The following CAMKMT variants were observed in gnomAD, a reference collection of about 807,000 sequenced individuals.
CAMKMT encodes the protein CaM KMT.
A neutral mutation model predicts 48.0 loss-of-function variants in CAMKMT; 53 were observed. That is an observed-to-expected ratio of 1.10 (90% CI 0.89 to 1.39). The LOEUF (loss-of-function observed/expected upper bound fraction) is 1.39. CAMKMT is among the 40% of genes most tolerant of loss of function. The pLI, the probability that CAMKMT is intolerant of heterozygous loss-of-function variation, is 0.00. For missense variants in CAMKMT, 428 were observed against 402.7 expected, an observed-to-expected ratio of 1.06 and a Z score of -0.54; for synonymous variants, 165 against 152.3, an observed-to-expected ratio of 1.08 and a Z score of -0.61.
At chr2:44,767,954 G>C (rs1012110013) in intron 10 of CAMKMT, among the ~76,000 whole-genome samples, 12 of 152,158 alleles carry the variant, frequency 7.9e-5, no homozygotes, top group Non-Finnish European at 1.6e-4. Flanking sequence ...GCAAAGGCTT[G>C]GGTTTCTCCA....
chr2:44,610,408 G>C (rs1406354958), intron 3 of CAMKMT, among the ~76,000 whole-genome samples: 1 of 152,082 alleles, frequency 6.6e-6, no homozygotes, highest in South Asian at 2.1e-4. Context: ...AGAAGTCTGG[G>C]GTGTCTCCTA....
At chr2:44,476,370 T>A (rs527789322) in intron 3 of CAMKMT, among the ~76,000 whole-genome samples, 8 of 152,298 alleles carry the variant, frequency 5.3e-5, no homozygotes, top group African/African-American at 1.9e-4. Context: ...TCTACAGTTT[T>A]GCATAGTATA....
intron 3 of CAMKMT, among the ~76,000 whole-genome samples, chr2:44,414,032 T>C (rs1683387283): frequency 1.3e-5 from 2 of 152,200 alleles, no homozygotes; most frequent in South Asian, 4.1e-4. Flanking sequence ...GTATGCCAGT[T>C]GGTAGGCCTT....
At chr2:44,527,430 A>ATAT (rs1345695725) in intron 3 of CAMKMT, among the ~76,000 whole-genome samples, 4 of 107,860 alleles carry the variant, frequency 3.7e-5, no homozygotes, top group Non-Finnish European at 5.4e-5. Flanking sequence ...ATATATATAT[A>ATAT]TTTTTTTTTT....
intron 3 of CAMKMT, among the ~76,000 whole-genome samples, chr2:44,591,962 A>T (rs1392478807): frequency 6.6e-6 from 1 of 151,982 alleles, no homozygotes; most frequent in African/African-American, 2.4e-5. Context: ...GTATCACAAG[A>T]ACAAAAAACC....
intron 3 of CAMKMT, among the ~76,000 whole-genome samples, chr2:44,527,750 G>A (rs1489682530): frequency 2.0e-5 from 3 of 147,248 alleles, no homozygotes; most frequent in East Asian, 2.0e-4. Flanking sequence ...AAAGTACAGA[G>A]CATCCTCATG....
intron 3 of CAMKMT, among the ~76,000 whole-genome samples, chr2:44,395,309 T>C (rs1681729907): frequency 1.3e-5 from 2 of 152,176 alleles, no homozygotes; most frequent in African/African-American, 4.8e-5. Context: ...ATATGTAGCA[T>C]GTGTGTATAC....
chr2:44,415,490 G>C (rs944014445), intron 3 of CAMKMT, among the ~76,000 whole-genome samples: 17 of 152,160 alleles, frequency 1.1e-4, no homozygotes, highest in Admixed American at 1.1e-3. Context: ...TGGTGATAGT[G>C]ATACAAATTA....
At chr2:44,699,671 A>G (rs1677153005) in intron 3 of CAMKMT, among the ~76,000 whole-genome samples, 2 of 151,826 alleles carry the variant, frequency 1.3e-5, no homozygotes, top group African/African-American at 4.8e-5. Flanking sequence ...CACATATTCA[A>G]TCCTAGCCCA....
chr2:44,489,418 G>A (rs1320085777), intron 3 of CAMKMT, among the ~76,000 whole-genome samples: 1 of 151,772 alleles, frequency 6.6e-6, no homozygotes, highest in Non-Finnish European at 1.5e-5. Flanking sequence ...GCTAATTTTT[G>A]TATTTTTAGT....
intron 3 of CAMKMT, among the ~76,000 whole-genome samples, chr2:44,613,593 C>A (rs1184782741): frequency 6.6e-6 from 1 of 152,204 alleles, no homozygotes; most frequent in East Asian, 1.9e-4. Context: ...CCCCTGCTCT[C>A]AAGGAGCTCA....
intron 3 of CAMKMT, among the ~76,000 whole-genome samples, chr2:44,583,525 G>C (rs1409109266): frequency 6.6e-6 from 1 of 152,140 alleles, no homozygotes; most frequent in Non-Finnish European, 1.5e-5. Flanking sequence ...TGAGGACCAT[G>C]GCTCACCCTA....
intron 3 of CAMKMT, among the ~76,000 whole-genome samples, chr2:44,519,399 G>A (rs927921942): frequency 6.6e-6 from 1 of 152,066 alleles, no homozygotes; most frequent in Non-Finnish European, 1.5e-5. Context: ...CAAGTTTCCA[G>A]GTCATAATTT....
intron 3 of CAMKMT, among the ~76,000 whole-genome samples, chr2:44,627,396 C>T (rs76500164): frequency 0.028 from 4,186 of 152,062 alleles, 188 homozygotes; most frequent in African/African-American, 0.095. Context: ...TTGCTGGACT[C>T]GTAAAATACA....
intron 3 of CAMKMT, among the ~76,000 whole-genome samples, chr2:44,625,237 C>G (rs1241339158): frequency 2.6e-5 from 4 of 152,150 alleles, no homozygotes; most frequent in African/African-American, 7.2e-5. Context: ...TTGCATTCCC[C>G]TAATGATTGC....
chr2:44,565,337 A>G (rs1002235277), intron 3 of CAMKMT, among the ~76,000 whole-genome samples: 4 of 152,226 alleles, frequency 2.6e-5, no homozygotes, highest in Non-Finnish European at 5.9e-5. Flanking sequence ...TGCAGCAAGA[A>G]GATGTAGCTG....
intron 3 of CAMKMT, among the ~76,000 whole-genome samples, chr2:44,409,345 T>C (rs1323165150): frequency 6.6e-6 from 1 of 152,012 alleles, no homozygotes; most frequent in African/African-American, 2.4e-5. Context: ...TACCGTGACA[T>C]TTGTTATGTT....
chr2:44,581,750 C>CA (rs1310926083), intron 3 of CAMKMT, among the ~76,000 whole-genome samples: 2 of 152,204 alleles, frequency 1.3e-5, no homozygotes, highest in Non-Finnish European at 2.9e-5. Flanking sequence ...CCTGTAATCC[C>CA]AGCACTTTGG....
At chr2:44,710,118 A>C (rs76164826) in intron 6 of CAMKMT, among the ~76,000 whole-genome samples, 3,391 of 151,862 alleles carry the variant, frequency 0.022, 129 homozygotes, top group African/African-American at 0.077. Flanking sequence ...AAAAAAAAAA[A>C]CAGCATTTCC....
Sources: gnomAD v4.1 joint callset for allele counts (sites outside exome capture counted in the v4.1 genomes callset) on GRCh38, gnomAD v4.1.1 for gene constraint, MANE v1.5 for transcripts, NCBI Gene and HGNC (gene_info 2026-07-23, HGNC 2026-07-21) for gene names.